The following CLK3 variants were observed in gnomAD, a reference collection of about 807,000 sequenced individuals.
The protein encoded by CLK3 is dual specificity protein kinase CLK3.
A neutral mutation model predicts 65.2 loss-of-function variants in CLK3; 24 were observed. That is an observed-to-expected ratio of 0.37 (90% confidence interval 0.27 to 0.52). The LOEUF is 0.52. Among genes scored for constraint, CLK3 ranks in the 20% least tolerant of loss-of-function variants. The pLI is 0.92. For missense variants in CLK3, 506 were observed against 660.0 expected, an observed-to-expected ratio of 0.77 and a Z score of 2.56; for synonymous variants, 252 against 240.8, an observed-to-expected ratio of 1.05 and a Z score of -0.43.
Position 74,627,342 on chromosome 15 carries a change from GCTAC to G in CLK3, c.818-7_818-4del, listed in dbSNP as rs1300534461. On this transcript the variant is annotated splice_region_variant and splice_polypyrimidine_tract_variant and intron_variant, in intron 7 of 12. Transcript: ENST00000395066. The surrounding 1 kb of genome is among the most constrained non-coding windows in gnomAD (Gnocchi z 4.3). ...AGTGCCTACTTCCCCTTCTTTCCCT[GCTAC>G]CTTAGTTCTGCATGAGAATCAGCTG... 4 of 1,609,722 alleles carry G rather than the reference GCTAC, an allele frequency of 2.5e-6. No individual in the cohort carries two copies. Among genetic ancestry groups the G allele is most frequent in the Non-Finnish European group, 3.4e-6 (4 of 1,176,142 alleles).
intron 5 of CLK3, chr15:74,623,931 C>T (rs1334910597): frequency 6.6e-6 from 1 of 152,238 alleles, no homozygotes; most frequent in Non-Finnish European, 1.5e-5. Flanking sequence ...CGGAGGGACC[C>T]TGTTTTAGGA....
At chr15:74,618,759 C>T (rs1398346291) in intron 1 of CLK3, among the ~76,000 whole-genome samples, 1 of 152,228 alleles carries the variant, frequency 6.6e-6, no homozygotes, top group Admixed American at 6.5e-5. Context: ...CTGTGTACAG[C>T]CCTTTGCCTG....
upstream of CLK3, chr15:74,614,989 A>T (rs780537960): frequency 5.5e-4 from 87 of 159,624 alleles, no homozygotes; most frequent in Non-Finnish European, 1.0e-3. Context: ...AAAGATCCCC[A>T]CCTCAGTTTT....
upstream of CLK3, among the ~76,000 whole-genome samples, chr15:74,612,138 A>G (rs1219680107): frequency 6.6e-6 from 1 of 152,212 alleles, no homozygotes; most frequent in Non-Finnish European, 1.5e-5. Context: ...CAAGTCCGGC[A>G]GGGAGTCCCG....
chr15:74,626,073 C>T (rs894611320), intron 7 of CLK3, 105 bp downstream of exon 7: 2 of 1,304,796 alleles, frequency 1.5e-6, no homozygotes, highest in Non-Finnish European at 2.2e-6. Context: ...TAACCATTCT[C>T]CTGGGCCTGA....
In CLK3 at chr15:74,624,730, G is replaced by C; in HGVS notation, c.534-172G>C. On this transcript the variant is annotated intron_variant, in intron 5 of 12. Transcript: ENST00000395066. The surrounding 1 kb of genome is among the most constrained non-coding windows in gnomAD (Gnocchi z 4.2). ...CAGATCTCAGGGAGCTTGCTGTTGG[G>C]TGGGCAAAGGTCTGGTGTTGCATGG... 1.6e-6 allele frequency: 1 copy of C among 610,884 alleles called. No homozygotes were observed. The highest frequency in any genetic ancestry group is 1.9e-5 in the South Asian group (1 of 51,308). 37.8% of individuals were successfully genotyped at this position (610,884 alleles called of 1,614,324 possible).
chr15:74,625,680 A>G (rs923425987), intron 6 of CLK3, 122 bp from the exon 7 acceptor site: 2 of 961,466 alleles, frequency 2.1e-6, no homozygotes, highest in African/African-American at 1.6e-5. Flanking sequence ...CACTGTGTGT[A>G]TCTGCATTCT....
chr15:74,624,528 GGA>G lies in CLK3; in HGVS notation c.534-373_534-372del. On this transcript the variant is annotated intron_variant, in intron 5 of 12. Coordinates refer to ENST00000395066, the MANE Select transcript of CLK3 (RefSeq NM_001130028.2). This position sits in a 1 kb window ranked among gnomAD's most constrained non-coding sequence, Gnocchi z 4.2. ...AGGCGCCGCAGGAGGGTTCTCGGTGGGACAGCCTGGCCAGGGTTGGGGCTGCC... is the reference window on the plus strand; with the variant it reads ...AGGCGCCGCAGGAGGGTTCTCGGTGGCAGCCTGGCCAGGGTTGGGGCTGCC... 2 of 225,008 alleles carry G rather than the reference GGA, an allele frequency of 8.9e-6. No individual in the cohort carries two copies. Among genetic ancestry groups the G allele is most frequent in the South Asian group, 1.0e-4 (1 of 9,908 alleles). The allele number at this position is 225,008 out of a possible 1,614,324, so 13.9% of individuals were successfully genotyped here. A position where few individuals can be genotyped will look rare whatever the true frequency, so the allele number is the denominator to read the frequency against.
chr15:74,623,575 T>A (rs1368319303), intron 5 of CLK3: 2 of 152,052 alleles, frequency 1.3e-5, no homozygotes, highest in African/African-American at 2.4e-5. Flanking sequence ...CGACTCAGCG[T>A]GGCCCAAGAG....
At chr15:74,619,687 A>G (rs919851214) in intron 2 of CLK3, among the ~76,000 whole-genome samples, 9 of 152,172 alleles carry the variant, frequency 5.9e-5, no homozygotes, top group African/African-American at 1.9e-4. Context: ...CCCTGGGCCT[A>G]TCTTAGCTCC....
Position 74,619,995 on chromosome 15 carries a change from C to A in CLK3, c.153-14C>A. The A allele has an allele frequency of 6.2e-7, 1 of 1,613,974 alleles. No individual in the cohort carries two copies. ...GGACCCAGCTGACCAGCGTCCCCAT[C>A]CCCCTTTTGGCAGCCATGACCGCCT... On this transcript the variant is annotated splice_polypyrimidine_tract_variant and intron_variant, in intron 2 of 12. Transcript: ENST00000395066.
chr15:74,627,817 C>A lies in CLK3; in HGVS notation c.1042+149C>A. 7.9e-7 allele frequency: 1 copy of A among 1,268,148 alleles called. No homozygotes were observed. The highest frequency in any genetic ancestry group is 1.5e-5 in the African/African-American group (1 of 68,172). 78.6% of individuals were successfully genotyped at this position (1,268,148 alleles called of 1,614,324 possible). ...GGCCAGTGTCATGAGACACAGGTGA[C>A]TGACCTGGCTTTATCTGTCAGCCTT... On this transcript the variant is annotated intron_variant, in intron 9 of 12. Coordinates refer to ENST00000395066, the MANE Select transcript of CLK3 (RefSeq NM_001130028.2). This position sits in a 1 kb window ranked among gnomAD's most constrained non-coding sequence, Gnocchi z 4.3.
At chr15:74,616,426 C>T (rs1363927370) in intron 1 of CLK3, among the ~76,000 whole-genome samples, 1 of 152,234 alleles carries the variant, frequency 6.6e-6, no homozygotes, top group Non-Finnish European at 1.5e-5. Context: ...GGCGCAGGCT[C>T]CCCTGTGTGT....
intron 1 of CLK3, among the ~76,000 whole-genome samples, chr15:74,609,988 G>C (rs1377770443): frequency 6.6e-6 from 1 of 152,256 alleles, no homozygotes; most frequent in Non-Finnish European, 1.5e-5. Flanking sequence ...AATGTTGGAA[G>C]AGGATCCCTC....
Position 74,628,669 on chromosome 15 carries a change from G to A in CLK3, c.1191G>A (p.Met397Ile). The change falls in exon 11 of 13, where the codon ATG (methionine) becomes ATA (isoleucine). Residue 397 changes from methionine to isoleucine, a missense_variant. Coordinates refer to ENST00000395066, the MANE Select transcript of CLK3 (RefSeq NM_001130028.2). ...TCCTAGGGCCCATCCCATCACACATGATCCACCGTACCAGGTAAGGACCCC... is the reference window on the plus strand; with the variant it reads ...TCCTAGGGCCCATCCCATCACACATAATCCACCGTACCAGGTAAGGACCCC... ...EKILGPIPSHMIHRTRKQKYF... is the reference protein window; with the variant it reads ...EKILGPIPSHIIHRTRKQKYF... 1.9e-6 allele frequency: 3 copies of A among 1,613,074 alleles called. No individual in the cohort carries two copies. Among genetic ancestry groups the A allele is most frequent in the Non-Finnish European group, 2.5e-6 (3 of 1,179,546 alleles).
At chr15:74,611,389 A>G (rs1180336899), upstream of CLK3, among the ~76,000 whole-genome samples, 1 of 152,198 alleles carries the variant, frequency 6.6e-6, no homozygotes, top group Non-Finnish European at 1.5e-5. Flanking sequence ...GGAAGAAGGA[A>G]TGGGGGAGGA....
In CLK3 at chr15:74,615,853, T is replaced by A. The variant is rs762022814; in HGVS notation, c.-46T>A. Reference sequence around the variant, plus strand: ...TCGCAGCCGGAAGCGGAAGAGGCGCTCGGAGCGGGGAGTGGGGCCTAGCTG... The same window carrying A: ...TCGCAGCCGGAAGCGGAAGAGGCGCACGGAGCGGGGAGTGGGGCCTAGCTG... On this transcript the variant is annotated 5_prime_UTR_variant, in exon 1 of 13. Transcript: ENST00000395066. 2.4e-6 allele frequency: 3 copies of A among 1,254,650 alleles called. No homozygotes were observed. Among genetic ancestry groups the A allele is most frequent in the Non-Finnish European group, 3.0e-6 (3 of 999,456 alleles). 77.7% of individuals were successfully genotyped at this position (1,254,650 alleles called of 1,614,324 possible). A position where few individuals can be genotyped will look rare whatever the true frequency, so the allele number is the denominator to read the frequency against.
chr15:74,609,209 C>G (rs1354692508), intron 1 of CLK3, among the ~76,000 whole-genome samples: 1 of 152,222 alleles, frequency 6.6e-6, no homozygotes, highest in East Asian at 1.9e-4. Context: ...CCATGCAGCC[C>G]CTCCTCAGAG....
rs755816350 is a variant in CLK3 at position 74,619,212 on chromosome 15, C to T, written c.16C>T (p.Arg6Ter). The T allele has an allele frequency of 1.9e-6, 3 of 1,614,050 alleles. No homozygotes were observed. Among genetic ancestry groups the T allele is most frequent in the Non-Finnish European group, 1.7e-6 (2 of 1,179,968 alleles). Residue 6 changes from arginine (R) to a stop codon, truncating the protein, a stop_gained, in exon 2 of 13, where the codon CGA (arginine) becomes TGA (stop). Transcript: ENST00000395066. LOFTEE classifies it high-confidence loss of function. ...CGTGGCCTAGATGCATCACTGTAAG[C>T]GATACCGCTCCCCTGAACCAGACCC... MHHCK[R>*]YRSPEPDPYL...
Sources: allele counts gnomAD v4.1 joint callset (sites outside exome capture counted in the v4.1 genomes callset), GRCh38; gene constraint gnomAD v4.1.1; non-coding constraint Gnocchi (gnomAD v3.1); transcripts MANE v1.5; gene names NCBI Gene and HGNC (gene_info 2026-07-23, HGNC 2026-07-21).